CORO2B: variants seen among roughly 807,000 people sequenced by gnomAD.
The protein encoded by CORO2B is coronin-2B.
A neutral mutation model predicts 58.8 loss-of-function variants in CORO2B; 26 were observed. The ratio of observed to expected loss-of-function variants is 0.44; its 90% CI spans 0.32 to 0.61. CORO2B has a LOEUF of 0.61. CORO2B is among the 20% of genes least tolerant of loss of function. The pLI is 0.04. For missense variants in CORO2B, 460 were observed against 645.1 expected, an observed-to-expected ratio of 0.71 and a Z score of 3.11; for synonymous variants, 242 against 253.8, an observed-to-expected ratio of 0.95 and a Z score of 0.44.
the CORO2B span, among the ~76,000 whole-genome samples, chr15:68,552,280 G>A: frequency 6.6e-6 from 1 of 152,098 alleles, no homozygotes; most frequent in South Asian, 2.1e-4. Context: ...CCCAGCCTGG[G>A]ACACCTTGGC....
chr15:68,569,446 A>G, the CORO2B span, among the ~76,000 whole-genome samples: 1,612 of 152,292 alleles, frequency 0.011, 27 homozygotes, highest in African/African-American at 0.037. Context: ...AGGTTCCTCT[A>G]TGTGTTTTCA....
At chr15:68,652,683 C>G (rs999552870) in intron 2 of CORO2B, among the ~76,000 whole-genome samples, 16 of 152,200 alleles carry the variant, frequency 1.1e-4, no homozygotes, top group Non-Finnish European at 1.5e-4. Flanking sequence ...TTTTGAGGAT[C>G]TAACATACCT....
intron 1 of CORO2B, among the ~76,000 whole-genome samples, chr15:68,631,227 C>T (rs2140260153): frequency 6.6e-6 from 1 of 152,262 alleles, no homozygotes; most frequent in East Asian, 1.9e-4. Flanking sequence ...AGCCACTTGC[C>T]CGTCAGTGGG....
At chr15:68,668,024 G>A (rs1339376815) in intron 2 of CORO2B, among the ~76,000 whole-genome samples, 1 of 152,224 alleles carries the variant, frequency 6.6e-6, no homozygotes, top group Non-Finnish European at 1.5e-5. Context: ...CGTACAACGG[G>A]CCAGGGACTG....
intron 1 of CORO2B, among the ~76,000 whole-genome samples, chr15:68,616,351 T>G (rs1267092321): frequency 6.6e-6 from 1 of 152,254 alleles, no homozygotes; most frequent in Non-Finnish European, 1.5e-5. Flanking sequence ...TCCTAGTTTC[T>G]TCTCAGAAAA....
At chr15:68,633,653 T>C (rs376867263) in intron 1 of CORO2B, among the ~76,000 whole-genome samples, 11 of 152,310 alleles carry the variant, frequency 7.2e-5, no homozygotes, top group African/African-American at 2.2e-4. Flanking sequence ...GTTGATTTAC[T>C]ATCCTTTTTT....
At position 68,713,929 on chromosome 15, in the gene CORO2B, C is replaced by T; in HGVS notation, c.653C>T (p.Ala218Val). The change falls in exon 6 of 12, where the codon GCC becomes GTC. Residue 218 changes from alanine to valine, a missense_variant. Around this residue, in one of 2 missense-constraint regions of CORO2B, gnomAD observed 352 missense variants for 543.0 expected, o/e 0.65. Transcript: ENST00000261861. ...ACCTCCCTCTGTTCCTACTAGGAGG[C>T]CAACTGCAAAAACCACAGAGTGAAC... ...EPRSGRVLQE[A>V]NCKNHRVNRV... 1 of 1,613,416 alleles carries T rather than the reference C, an allele frequency of 6.2e-7. No homozygotes were observed. The highest frequency in any genetic ancestry group is 8.5e-7 in the Non-Finnish European group (1 of 1,179,494).
chr15:68,651,904 T>A (rs1175492780), intron 2 of CORO2B, among the ~76,000 whole-genome samples: 1 of 152,216 alleles, frequency 6.6e-6, no homozygotes, highest in Non-Finnish European at 1.5e-5. Flanking sequence ...AAAATTCTTC[T>A]GCAGAGTAGG....
the CORO2B span, among the ~76,000 whole-genome samples, chr15:68,554,083 C>T: frequency 3.9e-5 from 6 of 152,118 alleles, no homozygotes; most frequent in African/African-American, 1.2e-4. Flanking sequence ...GTTGGAGAGG[C>T]GGTGACAGGG....
At chr15:68,520,572 A>G in the CORO2B span, among the ~76,000 whole-genome samples, 1 of 152,202 alleles carries the variant, frequency 6.6e-6, no homozygotes, top group Non-Finnish European at 1.5e-5. Context: ...TCTTGGTTAC[A>G]GTTCACAGGG....
intron 1 of CORO2B, among the ~76,000 whole-genome samples, chr15:68,588,106 A>T (rs565870232): frequency 6.6e-6 from 1 of 152,338 alleles, no homozygotes; most frequent in African/African-American, 2.4e-5. Flanking sequence ...ATGTCATGGC[A>T]GGAAATGGTT....
intron 1 of CORO2B, among the ~76,000 whole-genome samples, chr15:68,597,866 G>A (rs1319828217): frequency 1.3e-5 from 2 of 152,174 alleles, no homozygotes; most frequent in Admixed American, 1.3e-4. Context: ...CCACTGTGGT[G>A]GTCCAGGCGA....
chr15:68,575,424 G>A (rs551462325), upstream of CORO2B, among the ~76,000 whole-genome samples: 3 of 80,904 alleles, frequency 3.7e-5, no homozygotes, highest in Admixed American at 1.4e-4. Context: ...TGCAACCTCC[G>A]CCTCCCAAGT....
chr15:68,578,137 G>A (rs550597701), upstream of CORO2B, among the ~76,000 whole-genome samples: 1 of 152,258 alleles, frequency 6.6e-6, no homozygotes, highest in African/African-American at 2.4e-5. The surrounding 1 kb of genome is among the most constrained non-coding windows in gnomAD (Gnocchi z 4.2). Flanking sequence ...TCAAATCTCC[G>A]CAGCAGCTCC....
At chr15:68,603,858 A>G (rs1339965056) in intron 1 of CORO2B, among the ~76,000 whole-genome samples, 1 of 152,184 alleles carries the variant, frequency 6.6e-6, no homozygotes, top group Non-Finnish European at 1.5e-5. Context: ...TGGCAGCCTG[A>G]GCAGGCTAAT....
At chr15:68,537,036 C>T in the CORO2B span, among the ~76,000 whole-genome samples, 1 of 152,226 alleles carries the variant, frequency 6.6e-6, no homozygotes, top group Non-Finnish European at 1.5e-5. Flanking sequence ...TAAATTGCCT[C>T]ACTGAAGCAC....
chr15:68,717,374 G>A (rs12594723), intron 8 of CORO2B, among the ~76,000 whole-genome samples: 125,990 of 152,098 alleles, frequency 0.83, 55,341 homozygotes, highest in Non-Finnish European at 0.96. Context: ...GGGGCAGGAG[G>A]AAGACAGGGA....
intron 11 of CORO2B, among the ~76,000 whole-genome samples, chr15:68,722,826 G>C (rs1258336512): frequency 6.6e-6 from 1 of 152,202 alleles, no homozygotes; most frequent in Non-Finnish European, 1.5e-5. Flanking sequence ...CCAGCACTTT[G>C]GGAGGCTGAG....
At chr15:68,561,979 G>A in the CORO2B span, among the ~76,000 whole-genome samples, 2 of 152,262 alleles carry the variant, frequency 1.3e-5, no homozygotes, top group Admixed American at 6.5e-5. Context: ...TAAGTGCCCT[G>A]TCCCCCCACT....
Sources: allele counts gnomAD v4.1 joint callset (sites outside exome capture counted in the v4.1 genomes callset), GRCh38; gene constraint gnomAD v4.1.1; regional missense constraint gnomAD v4.1.1; non-coding constraint Gnocchi (gnomAD v3.1); transcripts MANE v1.5; gene names NCBI Gene and HGNC (gene_info 2026-07-23, HGNC 2026-07-21).